PRKAR1A: variants seen among roughly 807,000 people sequenced by gnomAD.
The protein encoded by PRKAR1A is cAMP-dependent protein kinase type I-alpha regulatory subunit.
A neutral mutation model predicts 52.0 loss-of-function variants in PRKAR1A; 3 were observed. The observed-to-expected ratio is 0.06, with a 90% CI of 0.03 to 0.15. PRKAR1A has a LOEUF of 0.15. PRKAR1A is among the 10% of genes least tolerant of loss of function. PRKAR1A has a pLI of 1.00. For missense variants in PRKAR1A, 240 were observed against 477.4 expected (o/e 0.50, Z 4.63); for synonymous variants, 188 against 168.4 (o/e 1.12, Z -0.90).
intron 2 of PRKAR1A, among the ~76,000 whole-genome samples, 154 bp from the exon 3 acceptor site, chr17:68,522,600 CTT>C (rs1319203829): frequency 6.6e-6 from 1 of 151,668 alleles, no homozygotes; most frequent in Middle Eastern, 3.2e-3. Context: ...GTGTTACTCT[CTT>C]TTTTTCCCCT....
At chr17:68,448,384 T>G in the PRKAR1A span, 9 of 152,238 alleles carry the variant, frequency 5.9e-5, no homozygotes, top group Admixed American at 2.0e-4. Context: ...GAACCGATGC[T>G]CATCTTGGTT....
rs751113089 is a variant in PRKAR1A at position 68,530,496 on chromosome 17, T to TC, written c.*48dup. ...TTTTCTCCTCTCCCCAATCCATGCT[T>TC]CACTCATGCAAACTGCTTTATTTTC... On this transcript the variant is annotated 3_prime_UTR_variant, in exon 11 of 11. Transcript: ENST00000589228. 3.7e-6 allele frequency: 6 copies of TC among 1,613,748 alleles called. No homozygotes were observed. The highest frequency in any genetic ancestry group is 3.3e-5 in the Admixed American group (2 of 59,972).
At chr17:68,541,115 G>GCGA in intron 11 of PRKAR1A, 1 of 1,031,736 alleles carries the variant, frequency 9.7e-7, no homozygotes, top group Non-Finnish European at 1.4e-6. Flanking sequence ...GGGCAAGGAC[G>GCGA]CGTAAGGCTG....
chr17:68,494,801 G>T, the PRKAR1A span, among the ~76,000 whole-genome samples: 2 of 152,064 alleles, frequency 1.3e-5, no homozygotes, highest in Non-Finnish European at 2.9e-5. Flanking sequence ...TCCTCCAGGT[G>T]AATGCCACCC....
At chr17:68,457,715 G>A in the PRKAR1A span, among the ~76,000 whole-genome samples, 30 of 152,078 alleles carry the variant, frequency 2.0e-4, no homozygotes, top group Non-Finnish European at 4.1e-4. Flanking sequence ...CCCAAGCCAC[G>A]GCTGGCGGGC....
At chr17:68,457,431 G>T in the PRKAR1A span, 1 of 1,495,384 alleles carries the variant, frequency 6.7e-7, no homozygotes, top group Non-Finnish European at 8.9e-7. Context: ...TCGGGGGCTC[G>T]GCCCGGGAAG....
intron 11 of PRKAR1A, among the ~76,000 whole-genome samples, chr17:68,546,360 C>A (rs2086566573): frequency 6.6e-6 from 1 of 151,946 alleles, no homozygotes; most frequent in Non-Finnish European, 1.5e-5. Flanking sequence ...TGAGATCAAT[C>A]TTCTTTTAAA....
the PRKAR1A span, chr17:68,444,715 G>A: frequency 2.9e-6 from 2 of 681,132 alleles, no homozygotes; most frequent in East Asian, 2.8e-5. Flanking sequence ...TTTTGATGAT[G>A]CATTTTGAAG....
At chr17:68,441,486 C>G in the PRKAR1A span, among the ~76,000 whole-genome samples, 5 of 152,190 alleles carry the variant, frequency 3.3e-5, no homozygotes, top group African/African-American at 4.8e-5. Flanking sequence ...CATCTTATTT[C>G]TTTGTTCAGA....
intron 2 of PRKAR1A, among the ~76,000 whole-genome samples, chr17:68,519,806 T>C (rs555037910): frequency 6.6e-6 from 1 of 152,372 alleles, no homozygotes; most frequent in East Asian, 1.9e-4. Flanking sequence ...AACAGTGACC[T>C]TGTGTCTGCT....
At chr17:68,534,560 C>CTTTTTTTTTTTTTTTTTGTGT (rs2086052986), downstream of PRKAR1A, among the ~76,000 whole-genome samples, 1 of 111,054 alleles carries the variant, frequency 9.0e-6, no homozygotes, top group Non-Finnish European at 1.8e-5. Flanking sequence ...TTTTTAGTGC[C>CTTTTTTTTTTTTTTTTTGTGT]TTTTTTTTTT....
chr17:68,491,372 G>A, the PRKAR1A span, among the ~76,000 whole-genome samples: 20,439 of 152,124 alleles, frequency 0.13, 1,472 homozygotes, highest in African/African-American at 0.17. Context: ...GATTACAGGC[G>A]TGAGCCACCG....
the PRKAR1A span, among the ~76,000 whole-genome samples, chr17:68,501,407 C>A: frequency 6.6e-6 from 1 of 152,212 alleles, no homozygotes; most frequent in African/African-American, 2.4e-5. Context: ...GCTGCATTCA[C>A]TCCTATGGCG....
At chr17:68,551,170 A>T (rs2086817898) in exon 12 of PRKAR1A, 2 of 1,219,550 alleles carry the variant, frequency 1.6e-6, no homozygotes, top group East Asian at 3.2e-5. Context: ...TGGGCTGCAG[A>T]TCCTTTGGGG....
chr17:68,443,803 G>A, the PRKAR1A span, among the ~76,000 whole-genome samples: 1 of 152,194 alleles, frequency 6.6e-6, no homozygotes, highest in Admixed American at 6.5e-5. Flanking sequence ...TTAATCTGGA[G>A]TCATTAAATG....
the PRKAR1A span, among the ~76,000 whole-genome samples, chr17:68,501,464 C>G: frequency 5.3e-5 from 8 of 152,120 alleles, no homozygotes; most frequent in African/African-American, 1.7e-4. Context: ...CATTCTCTCT[C>G]TCTCTTTTTG....
the PRKAR1A span, among the ~76,000 whole-genome samples, chr17:68,458,099 C>T: frequency 6.6e-6 from 1 of 152,198 alleles, no homozygotes; most frequent in Admixed American, 6.5e-5. Context: ...CCTCAAGCCG[C>T]ATTGAGAGAA....
the PRKAR1A span, among the ~76,000 whole-genome samples, chr17:68,435,458 CCA>C: frequency 1.3e-5 from 2 of 152,138 alleles, no homozygotes; most frequent in African/African-American, 4.8e-5. Context: ...CATGAATATA[CCA>C]CACATGCAGA....
At chr17:68,490,114 T>C in the PRKAR1A span, among the ~76,000 whole-genome samples, 1 of 152,234 alleles carries the variant, frequency 6.6e-6, no homozygotes, top group Non-Finnish European at 1.5e-5. Context: ...GCTTGTCTTG[T>C]TGATGACGAT....
Sources: allele counts gnomAD v4.1 joint callset (sites outside exome capture counted in the v4.1 genomes callset), GRCh38; gene constraint gnomAD v4.1.1; transcripts MANE v1.5; gene names NCBI Gene and HGNC (gene_info 2026-07-23, HGNC 2026-07-21).